Variants in ANAPC4 observed in about 807,000 individuals in gnomAD.
ANAPC4 encodes anaphase-promoting complex subunit 4.
A neutral mutation model predicts 119.8 loss-of-function variants in ANAPC4; 63 were observed. The observed-to-expected ratio is 0.53, with a 90% confidence interval of 0.43 to 0.65. The LOEUF (loss-of-function observed/expected upper bound fraction) is 0.65, where lower values mean the gene tolerates loss of function less well. Ranked by LOEUF, ANAPC4 falls within the 30% of genes least tolerant of loss-of-function variation. ANAPC4 has a pLI of 0.00. For synonymous variants in ANAPC4, 283 were observed against 318.6 expected, an observed-to-expected ratio of 0.89 and a Z score of 1.19; for missense variants, 716 against 945.1, an observed-to-expected ratio of 0.76 and a Z score of 3.18.
At chr4:25,392,285 CT>C in intron 9 of ANAPC4, 52 bp from the exon 10 acceptor site, 4 of 1,275,418 alleles carry the variant, frequency 3.1e-6, no homozygotes, top group Non-Finnish European at 4.6e-6. Context: ...AAATTACAGA[CT>C]TTGCAGCAAG....
chr4:25,382,123 C>T (rs76231428), intron 3 of ANAPC4, among the ~76,000 whole-genome samples: 1 of 17,232 alleles, frequency 5.8e-5, no homozygotes, highest in African/African-American at 1.8e-4. Flanking sequence ...TCTTTTTTTT[C>T]CCCCCCCTCA....
chr4:25,412,365 C>G (rs1365023169), intron 21 of ANAPC4, among the ~76,000 whole-genome samples: 1 of 152,088 alleles, frequency 6.6e-6, no homozygotes, highest in Non-Finnish European at 1.5e-5. Flanking sequence ...AACCTCCAAG[C>G]CCCTCTCTCT....
chr4:25,418,119 A>T, intron 28 of ANAPC4, 36 bp from the exon 29 acceptor site: 2 of 1,551,086 alleles, frequency 1.3e-6, no homozygotes, highest in Non-Finnish European at 1.8e-6. Flanking sequence ...ATAAGCCATT[A>T]ATTTAAAAAT....
chr4:25,416,168 C>T, intron 26 of ANAPC4: 1 of 280,404 alleles, frequency 3.6e-6, no homozygotes, highest in Admixed American at 4.8e-5. Flanking sequence ...TGGCCAGGGG[C>T]TTTCTAGAAC....
chr4:25,416,488 C>T lies in ANAPC4; in HGVS notation c.1965C>T (p.Asp655=), dbSNP rs892433801. ...DDETVTVVLK[D]TVGREGRDRL... is the part of the protein sequence containing the mutation. ...AAACTGTAACAGTAGTTCTTAAAGACACTGTAGGACGTGAAGGAAGAGATA... is the reference window on the plus strand; with the variant it reads ...AAACTGTAACAGTAGTTCTTAAAGATACTGTAGGACGTGAAGGAAGAGATA... Residue 655 remains aspartate (D), a synonymous_variant, in exon 27 of 29, where the codon GAC becomes GAT. Coordinates refer to ENST00000315368, the MANE Select transcript of ANAPC4 (RefSeq NM_013367.3). 10 of 1,604,526 alleles carry T rather than the reference C, an allele frequency of 6.2e-6. No homozygotes were observed. The highest frequency in any genetic ancestry group is 8.5e-6 in the Non-Finnish European group (10 of 1,173,310).
Position 25,407,271 on chromosome 4 carries a change from A to C in ANAPC4, c.1431+18A>C, listed in dbSNP as rs367876299. On this transcript the variant is annotated intron_variant, in intron 20 of 28. Transcript: ENST00000315368. ...TTGGTCAGGTATGGGCTTTGAACTCATTTTAAAACCTTAGCAGTGTTCATC... is the reference window on the plus strand; with the variant it reads ...TTGGTCAGGTATGGGCTTTGAACTCCTTTTAAAACCTTAGCAGTGTTCATC... 62 of 1,586,386 alleles carry C rather than the reference A, an allele frequency of 3.9e-5. No homozygotes were observed. The African/African-American group carries it at 7.3e-4, about 19-fold the overall frequency.
intron 24 of ANAPC4, 32 bp from the exon 25 acceptor site, chr4:25,414,567 T>C (rs1264616464): frequency 6.4e-7 from 1 of 1,555,440 alleles, no homozygotes; most frequent in Non-Finnish European, 8.7e-7. Context: ...CCATCAATAG[T>C]TAAAAAATAT....
At position 25,402,955 on chromosome 4, in the gene ANAPC4, G is replaced by T. The variant is rs1274433421; in HGVS notation, c.1215-16G>T. 1.3e-6 allele frequency: 2 copies of T among 1,483,992 alleles called. No homozygotes were observed. The highest frequency in any genetic ancestry group is 1.9e-6 in the Non-Finnish European group (2 of 1,080,170). 91.9% of individuals were successfully genotyped at this position (1,483,992 alleles called of 1,614,324 possible). A position where few individuals can be genotyped will look rare whatever the true frequency, so the allele number is the denominator to read the frequency against. On this transcript the variant is annotated splice_polypyrimidine_tract_variant and intron_variant, in intron 16 of 28. Transcript: ENST00000315368. Reference sequence around the variant, plus strand: ...ACACTAATCTTATTTCTGATTTTTTGTTTTTATCTCTTTAGAGTTATAGAT... The same window carrying T: ...ACACTAATCTTATTTCTGATTTTTTTTTTTTATCTCTTTAGAGTTATAGAT...
chr4:25,407,037 G>C, intron 19 of ANAPC4, 152 bp downstream of exon 19: 1 of 892,732 alleles, frequency 1.1e-6, no homozygotes, highest in South Asian at 1.7e-5. Context: ...TATAAACATA[G>C]TCAATAAACC....
At chr4:25,399,753 G>A (rs924319902) in intron 16 of ANAPC4, among the ~76,000 whole-genome samples, 5 of 152,160 alleles carry the variant, frequency 3.3e-5, no homozygotes, top group Non-Finnish European at 5.9e-5. Context: ...GGCTGGAAAT[G>A]TGCATTTGGG....
At chr4:25,392,599 T>C (rs2292409) in intron 10 of ANAPC4, among the ~76,000 whole-genome samples, 178 bp downstream of exon 10, 65,683 of 152,072 alleles carry the variant, frequency 0.43, 15,783 homozygotes, top group Non-Finnish European at 0.53. Flanking sequence ...GAACCTACTT[T>C]CACCGCACCC....
chr4:25,418,033 T>C, intron 28 of ANAPC4, 122 bp from the exon 29 acceptor site: 1 of 1,009,254 alleles, frequency 9.9e-7, no homozygotes, highest in South Asian at 1.7e-5. Context: ...GATTTTGTTG[T>C]AAATTGATGG....
At chr4:25,394,762 ATT>A in intron 13 of ANAPC4, 49 bp downstream of exon 13, 2 of 1,512,442 alleles carry the variant, frequency 1.3e-6, no homozygotes, top group South Asian at 1.2e-5. Context: ...CACATTCTTA[ATT>A]TTTTTTTTCG....
intron 10 of ANAPC4, among the ~76,000 whole-genome samples, chr4:25,393,300 T>G (rs1379838586): frequency 1.3e-5 from 2 of 152,190 alleles, no homozygotes; most frequent in Non-Finnish European, 2.9e-5. Context: ...ATTCTAAGAA[T>G]CAATGGAATG....
rs893565147 is a variant in ANAPC4, at chr4:25,394,923, A to T, written c.1061+18A>T. The T allele has an allele frequency of 6.3e-7, 1 of 1,599,574 alleles. No individual in the cohort carries two copies. Among genetic ancestry groups the T allele is most frequent in the Non-Finnish European group, 8.5e-7 (1 of 1,170,970 alleles). ...TTACAGAGGTATGAAGGTGACGTAG[A>T]ATTTTTTGGTATTGTATCCACACAT... On this transcript the variant is annotated intron_variant, in intron 14 of 28. Transcript: ENST00000315368.
chr4:25,415,711 G>C (rs41267453), intron 26 of ANAPC4, 171 bp downstream of exon 26: 261,328 of 569,164 alleles, frequency 0.46, 65,341 homozygotes, highest in Non-Finnish European at 0.53. Flanking sequence ...GATTTGACTT[G>C]TGATTGAATA....
At chr4:25,389,420 G>A (rs1382281750) in intron 7 of ANAPC4, among the ~76,000 whole-genome samples, 2 of 152,020 alleles carry the variant, frequency 1.3e-5, no homozygotes, top group Non-Finnish European at 2.9e-5. Context: ...GCCTCCAAAA[G>A]CGCTGGGATT....
At chr4:25,401,092 T>C (rs2109131097) in intron 16 of ANAPC4, among the ~76,000 whole-genome samples, 1 of 152,322 alleles carries the variant, frequency 6.6e-6, no homozygotes, top group African/African-American at 2.4e-5. Flanking sequence ...AAAACTTTGC[T>C]TTCGTTTTGT....
At position 25,390,178 on chromosome 4, in the gene ANAPC4, G is replaced by A. The variant is rs777518592; in HGVS notation, c.558G>A (p.Glu186=). The change falls in exon 8 of 29, where the codon GAG becomes GAA. Residue 186 remains glutamate, a synonymous_variant. Coordinates refer to ENST00000315368, the MANE Select transcript of ANAPC4 (RefSeq NM_013367.3). ...LVLGGSSGFI[E]LYAYGMFKIA... is the part of the protein sequence containing the mutation. ...TTGGAGGAAGCTCTGGATTTATTGA[G>A]CTTTATGCTTATGGAATGTTTAAAA... The A allele has an allele frequency of 6.2e-7, 1 of 1,613,186 alleles. No individual in the cohort carries two copies. Among genetic ancestry groups the A allele is most frequent in the Non-Finnish European group, 8.5e-7 (1 of 1,179,600 alleles).
Sources: allele counts gnomAD v4.1 joint callset (sites outside exome capture counted in the v4.1 genomes callset), GRCh38; gene constraint gnomAD v4.1.1; transcripts MANE v1.5; gene names NCBI Gene and HGNC (gene_info 2026-07-23, HGNC 2026-07-21).